PKP4: variants seen among roughly 807,000 people sequenced by gnomAD.
PKP4 encodes the protein plakophilin 4, also known as plakophilin-4.
A neutral mutation model predicts 145.1 loss-of-function variants in PKP4; 90 were observed. That is an observed-to-expected ratio of 0.62 (90% confidence interval 0.52 to 0.74). The LOEUF is 0.74. PKP4 is among the 30% of genes least tolerant of loss of function. The pLI is 0.00. For missense variants in PKP4, 1,340 were observed against 1,482.7 expected (o/e 0.90, Z 1.58); for synonymous variants, 563 against 577.2 (o/e 0.98, Z 0.35).
At chr2:158,652,719 G>A (rs532899967) in intron 11 of PKP4, among the ~76,000 whole-genome samples, 1 of 152,274 alleles carries the variant, frequency 6.6e-6, no homozygotes, top group Admixed American at 6.5e-5. Context: ...ATGCAGAATA[G>A]CCAGGAGCTG....
intron 11 of PKP4, among the ~76,000 whole-genome samples, chr2:158,654,712 A>G (rs1010906892): frequency 6.6e-6 from 1 of 152,176 alleles, no homozygotes; most frequent in Admixed American, 6.5e-5. Flanking sequence ...CCCCAGTTGC[A>G]AACTTAAAGG....
chr2:158,610,410 A>C (rs1322063836), intron 4 of PKP4, among the ~76,000 whole-genome samples: 1 of 152,198 alleles, frequency 6.6e-6, no homozygotes, highest in Non-Finnish European at 1.5e-5. Flanking sequence ...CAGAAAATAC[A>C]TACTAGAATA....
intron 1 of PKP4, among the ~76,000 whole-genome samples, chr2:158,496,707 A>G (rs1695761672): frequency 6.6e-6 from 1 of 151,566 alleles, no homozygotes. Context: ...GAAATTTGAG[A>G]GTCTCAGTCA....
chr2:158,531,598 C>T (rs1334932552), intron 1 of PKP4, among the ~76,000 whole-genome samples: 2 of 152,136 alleles, frequency 1.3e-5, no homozygotes, highest in Non-Finnish European at 2.9e-5. Context: ...TCTCAATAAG[C>T]ATTCCACATA....
Position 158,584,284 on chromosome 2 carries a change from A to G in PKP4, c.245+6901A>G, listed in dbSNP as rs914086030. ...CTCCTCAGCCAAGCACGTACACCAA[A>G]TTTAATGGTTTCCACGTGCCAGCGG... On this transcript the variant is annotated intron_variant, in intron 3 of 21. Coordinates refer to ENST00000389759, the MANE Select transcript of PKP4 (RefSeq NM_003628.6). Among the ~76,000 whole-genome samples the G allele has an allele frequency of 3.3e-5, 5 of 152,198 alleles. No homozygotes were observed. In the South Asian group the frequency reaches 8.3e-4, roughly 25 times the overall value.
At chr2:158,645,357 T>A (rs1287625045) in intron 11 of PKP4, among the ~76,000 whole-genome samples, 1 of 152,204 alleles carries the variant, frequency 6.6e-6, no homozygotes, top group Non-Finnish European at 1.5e-5. Context: ...GCTATGTTCA[T>A]CCTAGAAGTC....
intron 1 of PKP4, among the ~76,000 whole-genome samples, chr2:158,499,873 A>G (rs1696297360): frequency 6.6e-6 from 1 of 152,242 alleles, no homozygotes; most frequent in Non-Finnish European, 1.5e-5. Context: ...AGTTTAGAGA[A>G]CAGGATGCAT....
intron 2 of PKP4, among the ~76,000 whole-genome samples, chr2:158,572,164 T>C (rs570676350): frequency 2.1e-4 from 32 of 152,164 alleles, no homozygotes; most frequent in African/African-American, 7.7e-4. Context: ...TGGAAAATAC[T>C]GTCTTTGAAA....
At chr2:158,526,255 A>T (rs1452866168) in intron 1 of PKP4, among the ~76,000 whole-genome samples, 1 of 127,114 alleles carries the variant, frequency 7.9e-6, no homozygotes, top group African/African-American at 3.0e-5. Context: ...GGCAAAACGA[A>T]TCCAGCAGCA....
At chr2:158,470,294 C>T (rs1359990082) in intron 1 of PKP4, among the ~76,000 whole-genome samples, 1 of 152,182 alleles carries the variant, frequency 6.6e-6, no homozygotes, top group Admixed American at 6.5e-5. Context: ...GGATCATATT[C>T]ACATTCCCCA....
At chr2:158,617,245 A>G (rs1028025045) in intron 4 of PKP4, among the ~76,000 whole-genome samples, 3 of 152,194 alleles carry the variant, frequency 2.0e-5, no homozygotes, top group African/African-American at 7.2e-5. Flanking sequence ...TTTTAGACAT[A>G]CATTTTCGAA....
At chr2:158,662,851 C>T in intron 13 of PKP4, 46 bp from the exon 14 acceptor site, 1 of 1,513,558 alleles carries the variant, frequency 6.6e-7, no homozygotes, top group Non-Finnish European at 9.0e-7. Context: ...GTGTTTTGCT[C>T]TAATGTGCCG....
At chr2:158,547,074 G>T (rs994448705) in intron 2 of PKP4, among the ~76,000 whole-genome samples, 4 of 152,116 alleles carry the variant, frequency 2.6e-5, no homozygotes, top group African/African-American at 9.7e-5. Context: ...CCATGGGGGG[G>T]CAGTGGTAAG....
intron 4 of PKP4, among the ~76,000 whole-genome samples, chr2:158,609,305 T>A (rs1373718037): frequency 6.6e-6 from 1 of 152,236 alleles, no homozygotes; most frequent in Non-Finnish European, 1.5e-5. Flanking sequence ...TAGGCAGTCC[T>A]ACTCAGAATA....
At chr2:158,488,298 A>G (rs1345574556) in intron 1 of PKP4, among the ~76,000 whole-genome samples, 1 of 152,210 alleles carries the variant, frequency 6.6e-6, no homozygotes, top group Non-Finnish European at 1.5e-5. Context: ...CCTAGGCGCC[A>G]TACCCTGACT....
At chr2:158,528,223 A>ACC (rs1474090426) in intron 1 of PKP4, among the ~76,000 whole-genome samples, 1 of 149,920 alleles carries the variant, frequency 6.7e-6, no homozygotes, top group African/African-American at 2.4e-5. Context: ...AATAGCAAAG[A>ACC]CTTGGAACCA....
chr2:158,496,162 A>G (rs1381751122), intron 1 of PKP4, among the ~76,000 whole-genome samples: 3 of 30,648 alleles, frequency 9.8e-5, no homozygotes, highest in Non-Finnish European at 2.5e-4. Context: ...TTGTATTTTT[A>G]GTAGAGACAG....
At chr2:158,515,140 A>G (rs1488157483) in intron 1 of PKP4, among the ~76,000 whole-genome samples, 1 of 152,230 alleles carries the variant, frequency 6.6e-6, no homozygotes, top group African/African-American at 2.4e-5. Flanking sequence ...TAATTGTTGT[A>G]TAACCCAGAT....
intron 2 of PKP4, among the ~76,000 whole-genome samples, chr2:158,544,925 G>A (rs1574403523): frequency 6.6e-6 from 1 of 152,242 alleles, no homozygotes; most frequent in East Asian, 1.9e-4. Context: ...CCCACCTAGA[G>A]CTATGTATTC....
Sources: allele counts gnomAD v4.1 joint callset (sites outside exome capture counted in the v4.1 genomes callset), GRCh38; gene constraint gnomAD v4.1.1; transcripts MANE v1.5; gene names NCBI Gene and HGNC (gene_info 2026-07-23, HGNC 2026-07-21).